The following SPAG16 variants were observed in gnomAD, a reference collection of about 807,000 sequenced individuals.
SPAG16 encodes the protein sperm associated antigen 16.
SPAG16 carries 86 observed loss-of-function variants against 80.4 expected under a neutral mutation model. That is an observed-to-expected ratio of 1.07 (90% CI 0.90 to 1.28). SPAG16 has a LOEUF of 1.28. Ranked by LOEUF, SPAG16 falls within the 50% of genes most tolerant of loss-of-function variation. The pLI is 0.00. For synonymous variants in SPAG16, 294 were observed against 265.9 expected, an observed-to-expected ratio of 1.11 and a Z score of -1.03; for missense variants, 870 against 765.3, an observed-to-expected ratio of 1.14 and a Z score of -1.61.
chr2:213,629,118 T>C (rs1398825181), intron 10 of SPAG16, among the ~76,000 whole-genome samples: 1 of 152,218 alleles, frequency 6.6e-6, no homozygotes, highest in Non-Finnish European at 1.5e-5. Context: ...AAAGGAATTA[T>C]TAAAACATCA....
At chr2:213,759,039 GA>G (rs2068502094) in intron 10 of SPAG16, among the ~76,000 whole-genome samples, 1 of 152,096 alleles carries the variant, frequency 6.6e-6, no homozygotes, top group African/African-American at 2.4e-5. Flanking sequence ...AACAAAAACA[GA>G]AAACATTATC....
At chr2:214,235,677 T>C (rs1239182272) in intron 15 of SPAG16, among the ~76,000 whole-genome samples, 1 of 152,298 alleles carries the variant, frequency 6.6e-6, no homozygotes, top group East Asian at 1.9e-4. Context: ...CCAAGGTTTT[T>C]TTTTAACAAT....
intron 9 of SPAG16, among the ~76,000 whole-genome samples, chr2:213,475,993 C>G (rs892492719): frequency 6.6e-6 from 1 of 152,130 alleles, no homozygotes; most frequent in African/African-American, 2.4e-5. Flanking sequence ...TGGTCTCTTG[C>G]ACTATGCTAA....
chr2:213,629,303 A>G lies in SPAG16; in HGVS notation c.1070+139213A>G, dbSNP rs112201584. Among the ~76,000 whole-genome samples, 223 of 152,296 alleles carry G rather than the reference A, an allele frequency of 1.5e-3. 1 individual carries two copies. Among genetic ancestry groups the G allele is most frequent in the African/African-American group, 4.3e-3 (179 of 41,558 alleles). ...GTAGCCATTTCTTCTTAGCCATTGC[A>G]ACCAAGGACTACACGTGTTACCAAC... is the stretch of plus-strand genomic sequence containing the variant. On this transcript the variant is annotated intron_variant, in intron 10 of 15. Coordinates refer to ENST00000331683, the MANE Select transcript of SPAG16 (RefSeq NM_024532.5).
chr2:213,485,186 G>A (rs2073925941), intron 9 of SPAG16, among the ~76,000 whole-genome samples: 1 of 151,806 alleles, frequency 6.6e-6, no homozygotes, highest in Admixed American at 6.6e-5. Context: ...GTAGAGATGG[G>A]TTTCACTACA....
intron 14 of SPAG16, among the ~76,000 whole-genome samples, chr2:214,110,247 A>G (rs970552820): frequency 6.6e-6 from 1 of 152,076 alleles, no homozygotes; most frequent in African/African-American, 2.4e-5. Flanking sequence ...CCATCAACTC[A>G]TCATTTACAT....
chr2:213,900,804 TTCA>T (rs2106121977), intron 11 of SPAG16, among the ~76,000 whole-genome samples: 1 of 152,300 alleles, frequency 6.6e-6, no homozygotes, highest in East Asian at 1.9e-4. Context: ...TTCAGATGTG[TTCA>T]TCATTTTAAA....
chr2:213,799,195 A>G (rs1421381967), intron 10 of SPAG16, among the ~76,000 whole-genome samples: 2 of 152,152 alleles, frequency 1.3e-5, no homozygotes, highest in Non-Finnish European at 2.9e-5. Context: ...AAGTCTTCTG[A>G]TACATGAACA....
chr2:213,434,244 G>T (rs899334451), intron 9 of SPAG16, among the ~76,000 whole-genome samples: 4 of 152,038 alleles, frequency 2.6e-5, no homozygotes, highest in Admixed American at 1.3e-4. Flanking sequence ...AATAAATGGT[G>T]CTGGGAAAAT....
intron 1 of SPAG16, among the ~76,000 whole-genome samples, chr2:213,285,199 C>CT (rs1026567171): frequency 3.9e-5 from 6 of 151,958 alleles, no homozygotes; most frequent in African/African-American, 1.2e-4. Flanking sequence ...AGTATAGTTG[C>CT]TTTTTTTTCT....
At chr2:213,992,916 G>T (rs1298544703) in intron 12 of SPAG16, among the ~76,000 whole-genome samples, 1 of 152,180 alleles carries the variant, frequency 6.6e-6, no homozygotes, top group African/African-American at 2.4e-5. Context: ...AATGAAAATG[G>T]ATGGCACCTG....
At chr2:214,145,759 C>T (rs546638123) in intron 14 of SPAG16, among the ~76,000 whole-genome samples, 8 of 152,154 alleles carry the variant, frequency 5.3e-5, no homozygotes, top group African/African-American at 1.9e-4. Flanking sequence ...TTTTTTTGGG[C>T]TTCGGCTCAG....
intron 10 of SPAG16, among the ~76,000 whole-genome samples, chr2:213,802,395 C>CTCTATCTATCTA (rs58879510): frequency 0.011 from 1,648 of 148,130 alleles, 9 homozygotes; most frequent in Admixed American, 0.015. Flanking sequence ...TGATTCATGT[C>CTCTATCTATCTA]TCTATCTATC....
At chr2:213,414,369 CTTAA>C (rs988776737) in intron 9 of SPAG16, among the ~76,000 whole-genome samples, 31 of 151,950 alleles carry the variant, frequency 2.0e-4, no homozygotes, top group African/African-American at 3.9e-4. Context: ...AGATTAGTTC[CTTAA>C]TTAATTAGAC....
intron 11 of SPAG16, among the ~76,000 whole-genome samples, chr2:213,893,984 A>C (rs2076892741): frequency 6.6e-6 from 1 of 152,156 alleles, no homozygotes; most frequent in African/African-American, 2.4e-5. Flanking sequence ...ACAAGACTTT[A>C]TGCTGCCTAC....
At chr2:214,281,294 C>T (rs949724470) in intron 15 of SPAG16, 3 of 232,090 alleles carry the variant, frequency 1.3e-5, no homozygotes, top group African/African-American at 6.9e-5. Flanking sequence ...ATATCTGTTA[C>T]ACTATCATCC....
intron 12 of SPAG16, among the ~76,000 whole-genome samples, chr2:213,991,226 C>G (rs747624836): frequency 6.6e-6 from 1 of 152,056 alleles, no homozygotes; most frequent in African/African-American, 2.4e-5. Context: ...TTGTTCAACT[C>G]CCACTTATGA....
chr2:214,338,658 T>G (rs182446464), intron 15 of SPAG16, among the ~76,000 whole-genome samples: 29 of 152,318 alleles, frequency 1.9e-4, no homozygotes, highest in Middle Eastern at 3.4e-3. Context: ...ATAAGGATGC[T>G]CCATAATAGA....
intron 12 of SPAG16, among the ~76,000 whole-genome samples, chr2:213,966,249 A>T (rs1482336947): frequency 6.6e-6 from 1 of 152,118 alleles, no homozygotes; most frequent in Non-Finnish European, 1.5e-5. Flanking sequence ...TTGTAACTCA[A>T]TTGTCATGGT....
Sources: allele counts gnomAD v4.1 joint callset (sites outside exome capture counted in the v4.1 genomes callset), GRCh38; gene constraint gnomAD v4.1.1; transcripts MANE v1.5; gene names NCBI Gene and HGNC (gene_info 2026-07-23, HGNC 2026-07-21).